The following ARHGAP25 variants were observed in gnomAD, a reference collection of about 807,000 sequenced individuals.
The protein encoded by ARHGAP25 is Rho GTPase activating protein 25.
ARHGAP25 carries 34 observed loss-of-function variants against 71.0 expected under a neutral mutation model. The observed-to-expected ratio is 0.48, with a 90% CI of 0.36 to 0.64. The LOEUF (loss-of-function observed/expected upper bound fraction) is 0.64. Ranked by LOEUF, ARHGAP25 falls within the 30% of genes least tolerant of loss-of-function variation. The pLI is 0.00. For synonymous variants in ARHGAP25, 282 were observed against 296.5 expected (o/e 0.95, Z 0.50); for missense variants, 706 against 805.1 (o/e 0.88, Z 1.49).
At chr2:68,783,031 C>T (rs1026725314) in intron 3 of ARHGAP25, among the ~76,000 whole-genome samples, 1 of 152,234 alleles carries the variant, frequency 6.6e-6, no homozygotes, top group Non-Finnish European at 1.5e-5. Context: ...GCGGAGGAGG[C>T]CACATGGCCC....
At chr2:68,815,142 T>C (rs1385978395) in intron 6 of ARHGAP25, among the ~76,000 whole-genome samples, 3 of 152,214 alleles carry the variant, frequency 2.0e-5, no homozygotes, top group Non-Finnish European at 4.4e-5. Context: ...TCTCAGCATC[T>C]TTGAGAGTTT....
At chr2:68,746,044 A>C (rs367734891) in intron 1 of ARHGAP25, among the ~76,000 whole-genome samples, 1 of 152,196 alleles carries the variant, frequency 6.6e-6, no homozygotes, top group East Asian at 1.9e-4. Context: ...ATACCTCTTA[A>C]TACTGTTGCA....
intron 1 of ARHGAP25, among the ~76,000 whole-genome samples, chr2:68,774,195 G>A (rs1677672312): frequency 6.6e-6 from 1 of 152,202 alleles, no homozygotes; most frequent in Admixed American, 6.5e-5. Context: ...GTGGAGGGCA[G>A]TGCAGGCCAA....
intron 4 of ARHGAP25, among the ~76,000 whole-genome samples, chr2:68,799,885 G>A (rs1679843891): frequency 6.6e-6 from 1 of 152,126 alleles, no homozygotes; most frequent in South Asian, 2.1e-4. Flanking sequence ...TGGGGAGGAG[G>A]GAAGGCCTGA....
intron 2 of ARHGAP25, among the ~76,000 whole-genome samples, chr2:68,719,428 C>CAAA (rs201534754): frequency 1.3e-5 from 1 of 74,858 alleles, no homozygotes; most frequent in Non-Finnish European, 2.6e-5. Context: ...GTCGACATGG[C>CAAA]AAAAAAAAAA....
In ARHGAP25 at chr2:68,735,498, G is replaced by A. The variant is rs906929927; in HGVS notation, c.61+238G>A. 23 of 586,588 alleles carry A rather than the reference G, an allele frequency of 3.9e-5. No homozygotes were observed. In the African/African-American group the frequency reaches 4.3e-4, roughly 11 times the overall value. 36.3% of individuals were successfully genotyped at this position (586,588 alleles called of 1,614,324 possible). On this transcript the variant is annotated intron_variant, in intron 1 of 10. Transcript: ENST00000409202. ...GCACTCCTTGGTGTGCAGGATCTGG[G>A]GTACTTCGGATGATTTAAGGCTACA...
intron 1 of ARHGAP25, among the ~76,000 whole-genome samples, chr2:68,764,532 G>C (rs1472978812): frequency 1.3e-5 from 2 of 152,240 alleles, no homozygotes; most frequent in South Asian, 2.1e-4. Context: ...CAGGTTAGGT[G>C]GACAGGCACC....
intron 2 of ARHGAP25, among the ~76,000 whole-genome samples, chr2:68,716,501 T>A (rs1192860000): frequency 6.6e-6 from 1 of 152,174 alleles, no homozygotes; most frequent in Non-Finnish European, 1.5e-5. Flanking sequence ...GGGGAGGGGC[T>A]CTCAGAGCTC....
At chr2:68,810,474 G>A (rs1206914630) in intron 5 of ARHGAP25, among the ~76,000 whole-genome samples, 1 of 152,156 alleles carries the variant, frequency 6.6e-6, no homozygotes, top group Non-Finnish European at 1.5e-5. Flanking sequence ...GGCTTGTCAG[G>A]ATTATTTTTG....
intron 4 of ARHGAP25, among the ~76,000 whole-genome samples, chr2:68,801,609 G>A (rs938199684): frequency 6.6e-6 from 1 of 152,214 alleles, no homozygotes; most frequent in African/African-American, 2.4e-5. Context: ...GAGAATGGGA[G>A]GAATGGGAGG....
intron 1 of ARHGAP25, among the ~76,000 whole-genome samples, chr2:68,761,734 C>T (rs958926063): frequency 1.3e-5 from 2 of 152,064 alleles, no homozygotes; most frequent in African/African-American, 4.8e-5. Flanking sequence ...TGGAAGATAA[C>T]AAATGTTGGT....
intron 4 of ARHGAP25, among the ~76,000 whole-genome samples, chr2:68,799,768 G>A (rs986927151): frequency 2.6e-5 from 4 of 152,222 alleles, no homozygotes; most frequent in Non-Finnish European, 4.4e-5. Flanking sequence ...CGGGAGGGCT[G>A]GGGCAGGTGC....
chr2:68,754,901 T>C (rs1330259612), intron 1 of ARHGAP25, among the ~76,000 whole-genome samples: 2 of 150,796 alleles, frequency 1.3e-5, no homozygotes, highest in East Asian at 3.9e-4. Context: ...CATTAAAAAA[T>C]TTTCTTGTTT....
intron 4 of ARHGAP25, 150 bp from the exon 5 acceptor site, chr2:68,807,123 C>T: frequency 1.4e-6 from 1 of 716,788 alleles, no homozygotes; most frequent in Non-Finnish European, 2.4e-6. Context: ...TTTATAGCTT[C>T]AGGAAATATT....
At chr2:68,780,121 G>A (rs1166019027) in intron 2 of ARHGAP25, among the ~76,000 whole-genome samples, 2 of 152,140 alleles carry the variant, frequency 1.3e-5, no homozygotes, top group Admixed American at 6.5e-5. Flanking sequence ...TCTCCAATGG[G>A]GAAGAATAAC....
chr2:68,725,231 G>A (rs1266812594), intron 2 of ARHGAP25, among the ~76,000 whole-genome samples: 1 of 152,156 alleles, frequency 6.6e-6, no homozygotes, highest in African/African-American at 2.4e-5. Flanking sequence ...GACCATTGCA[G>A]TCAGCTCTAA....
intron 4 of ARHGAP25, among the ~76,000 whole-genome samples, chr2:68,806,041 G>A (rs904801279): frequency 4.6e-5 from 7 of 152,222 alleles, no homozygotes; most frequent in East Asian, 1.9e-4. Context: ...GTTTCTCCAC[G>A]CAGACAGAGC....
chr2:68,755,785 A>G (rs1676447571), intron 1 of ARHGAP25, among the ~76,000 whole-genome samples: 1 of 152,218 alleles, frequency 6.6e-6, no homozygotes, highest in African/African-American at 2.4e-5. Context: ...TAAAAAGTTG[A>G]AAGAGGAAAA....
intron 1 of ARHGAP25, among the ~76,000 whole-genome samples, chr2:68,772,493 G>C (rs898441135): frequency 6.6e-6 from 1 of 152,232 alleles, no homozygotes; most frequent in African/African-American, 2.4e-5. Context: ...TACTGAAGTG[G>C]GGGAGAATGC....
Sources: allele counts gnomAD v4.1 joint callset (sites outside exome capture counted in the v4.1 genomes callset), GRCh38; gene constraint gnomAD v4.1.1; transcripts MANE v1.5; gene names NCBI Gene and HGNC (gene_info 2026-07-23, HGNC 2026-07-21).